The following SNX29 variants were observed in gnomAD, a reference collection of about 807,000 sequenced individuals.
SNX29 encodes the protein sorting nexin-29.
Under a neutral mutation model 102.1 loss-of-function variants are expected in SNX29, and 78 were observed. The ratio of observed to expected loss-of-function variants is 0.76; its 90% CI spans 0.64 to 0.92. The LOEUF is 0.92. Ranked by LOEUF, SNX29 falls within the 40% of genes least tolerant of loss-of-function variation. The pLI is 0.00. For synonymous variants in SNX29, 580 were observed against 414.5 expected, an observed-to-expected ratio of 1.40 and a Z score of -4.85; for missense variants, 1,280 against 1,061.7, an observed-to-expected ratio of 1.21 and a Z score of -2.86.
At chr16:12,463,707 CAAAT>C (rs573943757) in intron 18 of SNX29, among the ~76,000 whole-genome samples, 141 of 152,068 alleles carry the variant, frequency 9.3e-4, no homozygotes, top group African/African-American at 3.1e-3. Context: ...TAAATATTGA[CAAAT>C]AAAAATTGTA....
At chr16:12,145,501 T>C (rs1028702229) in intron 13 of SNX29, among the ~76,000 whole-genome samples, 7 of 152,216 alleles carry the variant, frequency 4.6e-5, no homozygotes, top group African/African-American at 1.7e-4. Flanking sequence ...TAGGGTATTT[T>C]TCCCCCCTGC....
chr16:12,275,902 T>TTTG (rs1491543943), intron 14 of SNX29, among the ~76,000 whole-genome samples: 116 of 78,130 alleles, frequency 1.5e-3, no homozygotes, highest in African/African-American at 5.0e-3. Context: ...TTTTTTTTTT[T>TTTG]GGGGGGCGTG....
At chr16:12,064,410 G>T (rs1403299487) in intron 9 of SNX29, among the ~76,000 whole-genome samples, 1 of 152,204 alleles carries the variant, frequency 6.6e-6, no homozygotes, top group Non-Finnish European at 1.5e-5. Context: ...TCCCACACCC[G>T]GCTGTCAGCT....
intron 15 of SNX29, among the ~76,000 whole-genome samples, chr16:12,342,744 C>T (rs1160961640): frequency 6.6e-6 from 1 of 152,212 alleles, no homozygotes; most frequent in African/African-American, 2.4e-5. Flanking sequence ...CAAGGTCACC[C>T]AGCAAGTTAC....
intron 15 of SNX29, among the ~76,000 whole-genome samples, chr16:12,304,610 C>CT (rs1420752777): frequency 1.3e-5 from 2 of 152,350 alleles, no homozygotes; most frequent in Admixed American, 6.5e-5. Context: ...CCAGGCTGGT[C>CT]TTGAACGCCT....
At chr16:12,197,085 C>A (rs2076794836) in intron 13 of SNX29, among the ~76,000 whole-genome samples, 1 of 152,146 alleles carries the variant, frequency 6.6e-6, no homozygotes, top group South Asian at 2.1e-4. Context: ...GAGACCTGAC[C>A]GCCAAACACT....
chr16:12,463,076 C>G (rs904624567), intron 18 of SNX29, among the ~76,000 whole-genome samples: 3 of 152,154 alleles, frequency 2.0e-5, no homozygotes, highest in Non-Finnish European at 4.4e-5. Context: ...TCTGTGGCCC[C>G]TGCTGCTGCT....
chr16:12,053,628 C>G (rs924714787), intron 8 of SNX29, among the ~76,000 whole-genome samples: 1 of 151,236 alleles, frequency 6.6e-6, no homozygotes, highest in Admixed American at 6.6e-5. Flanking sequence ...ACCCTTAGCC[C>G]TAAGATTTTT....
chr16:12,410,553 C>T (rs539712129), intron 18 of SNX29, among the ~76,000 whole-genome samples: 3 of 152,236 alleles, frequency 2.0e-5, no homozygotes, highest in African/African-American at 7.2e-5. Context: ...TCAAGCAATC[C>T]TCCTGCCTCA....
chr16:12,532,329 T>G (rs574580918), intron 20 of SNX29, among the ~76,000 whole-genome samples: 1 of 152,350 alleles, frequency 6.6e-6, no homozygotes, highest in African/African-American at 2.4e-5. Flanking sequence ...GTCATGAGCC[T>G]TGCTAGCAGG....
In SNX29 at chr16:12,570,622, GGATA is replaced by G. The variant is rs1422793041; in HGVS notation, c.*1994_*1997del. Reference sequence around the variant, plus strand: ...GGAGGTCATCTCCCTGTTCTCTGTTGGATAAAGGAACCTCCCCCATCTGTGACAT... The same window carrying G: ...GGAGGTCATCTCCCTGTTCTCTGTTGAAGGAACCTCCCCCATCTGTGACAT... On this transcript the variant is annotated 3_prime_UTR_variant, in exon 21 of 21. Transcript: ENST00000566228. 1 of 231,952 alleles carries G rather than the reference GGATA, an allele frequency of 4.3e-6. No individual in the cohort carries two copies. The highest frequency in any genetic ancestry group is 2.2e-5 in the African/African-American group (1 of 45,226). The allele number at this position is 231,952 out of a possible 1,614,324, so 14.4% of individuals were successfully genotyped here. A position where few individuals can be genotyped will look rare whatever the true frequency, so the allele number is the denominator to read the frequency against.
At chr16:12,249,150 T>C (rs1414433581) in intron 14 of SNX29, among the ~76,000 whole-genome samples, 3 of 152,176 alleles carry the variant, frequency 2.0e-5, no homozygotes, top group African/African-American at 7.2e-5. Flanking sequence ...TTGAGGCAGC[T>C]GTGATGGGGA....
At position 12,339,670 on chromosome 16, in the gene SNX29, G is replaced by T. The variant is rs555315682; in HGVS notation, c.1783-16493G>T. 5.9e-5 allele frequency among the ~76,000 whole-genome samples: 9 copies of T among 152,310 alleles called. 1 individual carries two copies. In the Middle Eastern group the frequency reaches 0.01, roughly 173 times the overall value. ...TTTTGTGGTCTTCATTCTTAGGAAG[G>T]CTTTCTCTATATGTGATGGATCCTA... On this transcript the variant is annotated intron_variant, in intron 15 of 20. Transcript: ENST00000566228.
chr16:12,541,873 G>T (rs913806773), intron 20 of SNX29, among the ~76,000 whole-genome samples: 2 of 152,166 alleles, frequency 1.3e-5, no homozygotes, highest in African/African-American at 2.4e-5. Flanking sequence ...ACCAGTCAAT[G>T]CTTGATGAAT....
At position 12,536,715 on chromosome 16, in the gene SNX29, C is replaced by G. The variant is rs187525833; in HGVS notation, c.2318+11874C>G. On this transcript the variant is annotated intron_variant, in intron 20 of 20. Transcript: ENST00000566228. The stretch of plus-strand genomic sequence containing the variant: ...TCAGGGGGCTGGACGTGGTGGCTCA[C>G]GCCTGTAATCTCAACACTTTGGGAG... Among the ~76,000 whole-genome samples, 172 of 152,292 alleles carry G rather than the reference C, an allele frequency of 1.1e-3. 2 individuals are homozygous for G. The East Asian group carries it at 0.026, about 23-fold the overall frequency.
intron 15 of SNX29, among the ~76,000 whole-genome samples, chr16:12,301,542 C>G (rs2080173690): frequency 6.6e-6 from 1 of 152,258 alleles, no homozygotes; most frequent in African/African-American, 2.4e-5. Context: ...ATGGTGCCTT[C>G]TGTCTGACTA....
Position 12,568,816 on chromosome 16 carries a change from A to T in SNX29, c.*187A>T. ...AGTCTTCGAGCCGCATGATACCGTGACCCGAGAGACCAAGGCAGCACCTCG... is the reference window on the plus strand; with the variant it reads ...AGTCTTCGAGCCGCATGATACCGTGTCCCGAGAGACCAAGGCAGCACCTCG... On this transcript the variant is annotated 3_prime_UTR_variant, in exon 21 of 21. Coordinates refer to ENST00000566228, the MANE Select transcript of SNX29 (RefSeq NM_032167.5). 1.1e-6 allele frequency: 1 copy of T among 904,696 alleles called. No individual in the cohort carries two copies. The highest frequency in any genetic ancestry group is 1.6e-6 in the Non-Finnish European group (1 of 618,040). 56.0% of individuals were successfully genotyped at this position (904,696 alleles called of 1,614,324 possible).
intron 14 of SNX29, among the ~76,000 whole-genome samples, chr16:12,229,277 C>G (rs745465315): frequency 2.8e-4 from 43 of 152,310 alleles, no homozygotes; most frequent in Middle Eastern, 3.4e-3. Context: ...TAGTACCTGG[C>G]ACATAGTAGG....
Position 12,380,918 on chromosome 16 carries a change from C to T in SNX29, c.1900-17528C>T, listed in dbSNP as rs1176590626. ...CACCTACCCACCATCCATCCATCCA[C>T]CCACCATCCATCCATCCACCATCCA... On this transcript the variant is annotated intron_variant, in intron 16 of 20. Transcript: ENST00000566228. Among the ~76,000 whole-genome samples the T allele has an allele frequency of 1.2e-3, 125 of 101,630 alleles. 1 individual carries two copies. The highest frequency in any genetic ancestry group is 4.9e-3 in the African/African-American group (113 of 23,004). The allele number at this position is 101,630 out of a possible 152,430, so 66.7% of individuals were successfully genotyped here.
Sources: gnomAD v4.1 joint callset for allele counts (sites outside exome capture counted in the v4.1 genomes callset) on GRCh38, gnomAD v4.1.1 for gene constraint, MANE v1.5 for transcripts, NCBI Gene and HGNC (gene_info 2026-07-23, HGNC 2026-07-21) for gene names.